Variants in AK8 observed in about 807,000 individuals in gnomAD.
AK8 encodes the protein adenylate kinase 8, also known as ATP-AMP transphosphorylase 8.
Under a neutral mutation model 54.6 loss-of-function variants are expected in AK8, and 44 were observed. The ratio of observed to expected loss-of-function variants is 0.81; its 90% CI spans 0.63 to 1.04. The LOEUF (loss-of-function observed/expected upper bound fraction) is 1.04. Ranked by LOEUF, AK8 falls within the 50% of genes least tolerant of loss-of-function variation. AK8 has a pLI of 0.00. For synonymous variants in AK8, 239 were observed against 245.6 expected (o/e 0.97, Z 0.25); for missense variants, 555 against 613.6 (o/e 0.90, Z 1.01).
At chr9:132,750,523 T>C (rs553901622) in intron 11 of AK8, among the ~76,000 whole-genome samples, 2 of 152,090 alleles carry the variant, frequency 1.3e-5, no homozygotes, top group East Asian at 3.9e-4. Flanking sequence ...AGGACTTCCC[T>C]GAATATTCCA....
chr9:132,863,539 C>A, intron 4 of AK8, 126 bp downstream of exon 4: 1 of 656,798 alleles, frequency 1.5e-6, no homozygotes, highest in Non-Finnish European at 2.7e-6. Context: ...CTCATTTTAC[C>A]CCAGCATTTT....
chr9:132,868,592 T>C (rs2131428331), intron 2 of AK8, among the ~76,000 whole-genome samples: 1 of 152,218 alleles, frequency 6.6e-6, no homozygotes, highest in Admixed American at 6.5e-5. Context: ...GCCACAGTCT[T>C]CCACGTTGGT....
intron 3 of AK8, among the ~76,000 whole-genome samples, chr9:132,864,581 G>A (rs1207830716): frequency 6.6e-6 from 1 of 152,202 alleles, no homozygotes; most frequent in Non-Finnish European, 1.5e-5. Context: ...CTCAATGACA[G>A]CATTGGGAAG....
intron 5 of AK8, among the ~76,000 whole-genome samples, chr9:132,834,663 T>C (rs1842244042): frequency 6.6e-6 from 1 of 152,204 alleles, no homozygotes; most frequent in Admixed American, 6.5e-5. Flanking sequence ...ACAGTGATTA[T>C]GCTCTTACAA....
At chr9:132,738,174 C>T (rs1319827542) in intron 11 of AK8, among the ~76,000 whole-genome samples, 1 of 152,136 alleles carries the variant, frequency 6.6e-6, no homozygotes, top group Admixed American at 6.5e-5. Context: ...CTGCCTCAGC[C>T]TCCCGAGTAG....
At chr9:132,843,335 G>A (rs1299881818) in intron 5 of AK8, among the ~76,000 whole-genome samples, 1 of 152,094 alleles carries the variant, frequency 6.6e-6, no homozygotes, top group Non-Finnish European at 1.5e-5. Context: ...TGATGTGCCT[G>A]CTCCCCCTTC....
intron 1 of AK8, among the ~76,000 whole-genome samples, chr9:132,876,340 G>A (rs1160919072): frequency 6.6e-6 from 1 of 151,292 alleles, no homozygotes; most frequent in Non-Finnish European, 1.5e-5. Flanking sequence ...TATTTAACGT[G>A]TATTAGAAAT....
At chr9:132,834,949 G>A (rs1427222474) in intron 5 of AK8, among the ~76,000 whole-genome samples, 2 of 151,232 alleles carry the variant, frequency 1.3e-5, no homozygotes, top group Non-Finnish European at 1.5e-5. Flanking sequence ...GGCTCACTGC[G>A]ACCTTCTCCT....
rs527381834 is a variant in AK8, at chr9:132,776,538, G to A, written c.1121+16096C>T. Among the ~76,000 whole-genome samples, 25 of 152,318 alleles carry A rather than the reference G, an allele frequency of 1.6e-4. No homozygotes were observed. In the South Asian group the frequency reaches 3.7e-3, roughly 23 times the overall value. On this transcript the variant is annotated intron_variant, in intron 11 of 12. Coordinates refer to ENST00000298545, the MANE Select transcript of AK8 (RefSeq NM_152572.3). ...CAGGAAGGCAGCCTGCTGTGGGGGC[G>A]GTGGATCCAAAAGCATGGATGAGGC...
At chr9:132,840,986 T>A (rs1462978542) in intron 5 of AK8, among the ~76,000 whole-genome samples, 1 of 152,168 alleles carries the variant, frequency 6.6e-6, no homozygotes, top group African/African-American at 2.4e-5. Flanking sequence ...TCAAATGGCC[T>A]TCACCCAAGT....
intron 9 of AK8, among the ~76,000 whole-genome samples, chr9:132,821,759 A>G (rs56243835): frequency 3.7e-4 from 51 of 138,060 alleles, no homozygotes; most frequent in South Asian, 6.8e-4. Flanking sequence ...ATACAAATAT[A>G]TACATATATG....
At chr9:132,823,159 G>A (rs1390086925) in intron 9 of AK8, 46 bp downstream of exon 9, 9 of 1,506,356 alleles carry the variant, frequency 6.0e-6, no homozygotes, top group Non-Finnish European at 7.9e-6. Flanking sequence ...GCAGGAGGCA[G>A]GGAAAGGCTC....
At chr9:132,865,404 C>G (rs568696019) in intron 3 of AK8, among the ~76,000 whole-genome samples, 2 of 152,312 alleles carry the variant, frequency 1.3e-5, no homozygotes, top group East Asian at 3.9e-4. Flanking sequence ...GTCCATGATA[C>G]ATGCTCACAG....
intron 9 of AK8, among the ~76,000 whole-genome samples, chr9:132,816,760 C>T (rs931075095): frequency 1.3e-5 from 2 of 152,132 alleles, no homozygotes; most frequent in African/African-American, 4.8e-5. Flanking sequence ...AAAACGAGCC[C>T]CATAGTCATC....
intron 8 of AK8, among the ~76,000 whole-genome samples, chr9:132,824,623 A>T (rs972967807): frequency 6.6e-6 from 1 of 152,142 alleles, no homozygotes; most frequent in Non-Finnish European, 1.5e-5. Flanking sequence ...ACAACCAAAA[A>T]ACCTTTACAG....
In AK8 at chr9:132,826,935, T is replaced by C. The variant is rs761255164; in HGVS notation, c.676A>G (p.Ile226Val). 1.2e-6 allele frequency: 2 copies of C among 1,614,214 alleles called. No individual in the cohort carries two copies. Among genetic ancestry groups the C allele is most frequent in the South Asian group, 2.2e-5 (2 of 91,080 alleles). Residue 226 changes from isoleucine (I) to valine (V), a missense_variant, in exon 8 of 13, where the codon ATC (isoleucine) becomes GTC (valine). Physicochemically the swap from Ile to Val is conservative, Grantham distance 29. Coordinates refer to ENST00000298545, the MANE Select transcript of AK8 (RefSeq NM_152572.3). This position sits in a 1 kb window ranked among gnomAD's most constrained non-coding sequence, Gnocchi z 4.5. ...AQKLLEYHRN[I>V]VRVIPSYPKI... is the part of the protein sequence containing the mutation. ...GGGTAGGAGGGAATGACCCTGACGA[T>C]GTTCCTATGATACTCCAGCAGTTTC... is the stretch of plus-strand genomic sequence containing the variant.
rs577735065 is a variant in AK8, at chr9:132,848,906, CTTTTTTT to C, written c.402+5944_402+5950del. On this transcript the variant is annotated intron_variant, in intron 5 of 12. Coordinates refer to ENST00000298545, the MANE Select transcript of AK8 (RefSeq NM_152572.3). ...GCCTTTCTTCTAACACTCCTGTTTG[CTTTTTTT>C]TTTTTTTTTTTTTGACACGGAGTCT... Among the ~76,000 whole-genome samples the C allele has an allele frequency of 3.7e-3, 435 of 118,564 alleles. 1 individual carries two copies. The highest frequency in any genetic ancestry group is 0.013 in the Middle Eastern group (3 of 230). The allele number at this position is 118,564 out of a possible 152,430, so 77.8% of individuals were successfully genotyped here. A position where few individuals can be genotyped will look rare whatever the true frequency, so the allele number is the denominator to read the frequency against.
chr9:132,865,730 T>C (rs1441169034), intron 3 of AK8, among the ~76,000 whole-genome samples: 1 of 151,604 alleles, frequency 6.6e-6, no homozygotes, highest in Non-Finnish European at 1.5e-5. Context: ...GAAGAATTGC[T>C]TGAACCCAGG....
intron 11 of AK8, among the ~76,000 whole-genome samples, chr9:132,771,893 G>A (rs534402882): frequency 1.3e-5 from 2 of 152,190 alleles, no homozygotes; most frequent in Non-Finnish European, 2.9e-5. Context: ...CATGGCTGGG[G>A]AGGCCTCACA....
Sources: allele counts gnomAD v4.1 joint callset (sites outside exome capture counted in the v4.1 genomes callset), GRCh38; gene constraint gnomAD v4.1.1; non-coding constraint Gnocchi (gnomAD v3.1); transcripts MANE v1.5; gene names NCBI Gene and HGNC (gene_info 2026-07-23, HGNC 2026-07-21).